Variants in TENM2 observed in about 807,000 individuals in gnomAD.
The protein encoded by TENM2 is teneurin transmembrane protein 2, also known as teneurin-2.
Under a neutral mutation model 245.2 loss-of-function variants are expected in TENM2, and 52 were observed. The ratio of observed to expected loss-of-function variants is 0.21; its 90% CI spans 0.17 to 0.27. The LOEUF (loss-of-function observed/expected upper bound fraction) is 0.27. Among genes scored for constraint, TENM2 ranks in the 10% least tolerant of loss-of-function variants. The pLI is 1.00. For missense variants in TENM2, 3,046 were observed against 3,666.8 expected (o/e 0.83, Z 4.37); for synonymous variants, 1,363 against 1,438.9 (o/e 0.95, Z 1.19).
chr5:167,747,674 G>T (rs955454503), intron 2 of TENM2, among the ~76,000 whole-genome samples: 9 of 152,104 alleles, frequency 5.9e-5, no homozygotes, highest in African/African-American at 1.9e-4. Flanking sequence ...TCATTTGAAG[G>T]GACTAAGGAC....
chr5:167,791,087 G>A (rs912458477), intron 2 of TENM2, among the ~76,000 whole-genome samples: 9 of 152,080 alleles, frequency 5.9e-5, no homozygotes, highest in Non-Finnish European at 1.2e-4. Context: ...AATGTATTTG[G>A]CTTGGATTGT....
At chr5:167,493,156 G>A (rs1304931688) in intron 2 of TENM2, among the ~76,000 whole-genome samples, 1 of 151,998 alleles carries the variant, frequency 6.6e-6, no homozygotes, top group East Asian at 1.9e-4. Context: ...GCCCACACGT[G>A]TAATCCAGCA....
intron 2 of TENM2, among the ~76,000 whole-genome samples, chr5:167,872,221 C>T (rs745378114): frequency 1.3e-5 from 2 of 149,826 alleles, no homozygotes; most frequent in Admixed American, 1.3e-4. Context: ...TGCAGTGAGC[C>T]GAGATCATGC....
chr5:167,244,535 G>A, the TENM2 span, among the ~76,000 whole-genome samples: 1 of 152,204 alleles, frequency 6.6e-6, no homozygotes, highest in Non-Finnish European at 1.5e-5. Flanking sequence ...TCCTGAAGCA[G>A]CAGGAATATT....
In TENM2 at chr5:167,452,950, T is replaced by TATTTTAA. The variant is rs1554157771; in HGVS notation, c.502+77479_502+77480insTTTAAAT. 5.9e-3 allele frequency among the ~76,000 whole-genome samples: 586 copies of TATTTTAA among 99,634 alleles called. 21 individuals carry two copies. Among genetic ancestry groups the TATTTTAA allele is most frequent in the African/African-American group, 0.018 (545 of 29,470 alleles). 65.4% of individuals were successfully genotyped at this position (99,634 alleles called of 152,430 possible). The stretch of plus-strand genomic sequence containing the variant: ...TATGATTTATATATATATATATATA[T>TATTTTAA]ATATATATATATTTAAAAAAAAAAA... On this transcript the variant is annotated intron_variant, in intron 2 of 28. Transcript: ENST00000518659.
intron 5 of TENM2, among the ~76,000 whole-genome samples, chr5:168,045,221 C>G (rs978720753): frequency 2.0e-5 from 3 of 152,116 alleles, no homozygotes; most frequent in Admixed American, 6.6e-5. Context: ...TGACCCTAAC[C>G]CTTTCCACCT....
chr5:167,385,893 T>TGTGC (rs1761406223), intron 2 of TENM2, among the ~76,000 whole-genome samples: 1 of 151,432 alleles, frequency 6.6e-6, no homozygotes, highest in Admixed American at 6.6e-5. Context: ...TGTGTGTGTG[T>TGTGC]GTGTGTGTTA....
At chr5:168,070,793 A>AAGAGAGAGAGAGAGAG (rs201553774) in intron 7 of TENM2, among the ~76,000 whole-genome samples, 2 of 89,354 alleles carry the variant, frequency 2.2e-5, no homozygotes, top group African/African-American at 8.5e-5. Context: ...GAAAGAAAGA[A>AAGAGAGAGAGAGAGAG]AGAGAGAGAG....
rs1791999331 is a variant in TENM2, at chr5:168,081,564, TG to T, written c.1516-9009del. Among the ~76,000 whole-genome samples the T allele has an allele frequency of 2.7e-5, 4 of 149,104 alleles. No individual in the cohort carries two copies. In the South Asian group the frequency reaches 8.6e-4, roughly 32 times the overall value. On this transcript the variant is annotated intron_variant, in intron 7 of 28. Coordinates refer to ENST00000518659, the Ensembl canonical transcript of TENM2. ...AATTTGGCATGTTTTTGCAGTGGCT[TG>T]TACTGGTTGTTCCTTTCCATGTTTA...
chr5:167,453,752 T>C (rs1475063763), intron 2 of TENM2, among the ~76,000 whole-genome samples: 1 of 152,170 alleles, frequency 6.6e-6, no homozygotes, highest in East Asian at 1.9e-4. Flanking sequence ...ATTGAGCCAA[T>C]GTGTAAACAT....
chr5:166,984,152 G>A, the TENM2 span, among the ~76,000 whole-genome samples: 1 of 152,000 alleles, frequency 6.6e-6, no homozygotes, highest in East Asian at 1.9e-4. Flanking sequence ...TATATAAAAG[G>A]GAGTTATGTA....
chr5:168,068,800 TG>T (rs1199676275), intron 7 of TENM2, among the ~76,000 whole-genome samples: 1 of 151,898 alleles, frequency 6.6e-6, no homozygotes, highest in Non-Finnish European at 1.5e-5. Flanking sequence ...GGTTGTAATA[TG>T]GGTATCTTTT....
Position 168,070,618 on chromosome 5 carries a change from CA to C in TENM2, c.1515+8370del, listed in dbSNP as rs36098821. Among the ~76,000 whole-genome samples, 376 of 132,842 alleles carry C rather than the reference CA, an allele frequency of 2.8e-3. 3 individuals carry two copies. Among genetic ancestry groups the C allele is most frequent in the African/African-American group, 5.4e-3 (191 of 35,552 alleles). The allele number at this position is 132,842 out of a possible 152,430, so 87.1% of individuals were successfully genotyped here. A position where few individuals can be genotyped will look rare whatever the true frequency, so the allele number is the denominator to read the frequency against. ...CAGCAAAGTGAGACTTCATCTCTAC[CA>C]AAAAAAAAAAAAAAAATTAATTATC... On this transcript the variant is annotated intron_variant, in intron 7 of 28. Transcript: ENST00000518659.
chr5:167,421,604 A>G (rs1763510796), intron 2 of TENM2, among the ~76,000 whole-genome samples: 1 of 152,122 alleles, frequency 6.6e-6, no homozygotes, highest in African/African-American at 2.4e-5. Context: ...GCGACTAATA[A>G]ACTGGATTTA....
chr5:167,714,899 A>G (rs975004225), intron 2 of TENM2, among the ~76,000 whole-genome samples: 1 of 152,174 alleles, frequency 6.6e-6, no homozygotes. Context: ...TGGCTTCCAA[A>G]TGTTAGCTTA....
chr5:168,173,288 C>A (rs1426618358), intron 13 of TENM2, among the ~76,000 whole-genome samples: 1 of 152,104 alleles, frequency 6.6e-6, no homozygotes. Context: ...GCAGGGCAGA[C>A]CTGAGACTGG....
chr5:167,899,189 TG>T (rs1459805964), intron 3 of TENM2, among the ~76,000 whole-genome samples: 1 of 152,092 alleles, frequency 6.6e-6, no homozygotes, highest in Non-Finnish European at 1.5e-5. Context: ...CAATAATGCC[TG>T]CATGTGCAGG....
chr5:167,048,315 G>T, the TENM2 span, among the ~76,000 whole-genome samples: 1 of 152,168 alleles, frequency 6.6e-6, no homozygotes, highest in East Asian at 1.9e-4. Flanking sequence ...AATAAATTTG[G>T]AATGAGTTGT....
chr5:167,619,450 A>G (rs1778013092), intron 2 of TENM2, among the ~76,000 whole-genome samples: 1 of 152,108 alleles, frequency 6.6e-6, no homozygotes, highest in Non-Finnish European at 1.5e-5. Context: ...AGAGGAGGGC[A>G]TTATGGAATT....
Sources: gnomAD v4.1 joint callset for allele counts (sites outside exome capture counted in the v4.1 genomes callset) on GRCh38, gnomAD v4.1.1 for gene constraint, MANE v1.5 for transcripts, NCBI Gene and HGNC (gene_info 2026-07-23, HGNC 2026-07-21) for gene names.